WDR89: variants seen among roughly 807,000 people sequenced by gnomAD.
WDR89 encodes the protein WD repeat domain 89.
A neutral mutation model predicts 29.1 loss-of-function variants in WDR89; 17 were observed. The ratio of observed to expected loss-of-function variants is 0.58; its 90% CI spans 0.40 to 0.88. The LOEUF (loss-of-function observed/expected upper bound fraction) is 0.88, where lower values mean the gene tolerates loss of function less well. Ranked by LOEUF, WDR89 falls within the 40% of genes least tolerant of loss-of-function variation. The pLI, the probability that WDR89 is intolerant of heterozygous loss-of-function variation, is 0.00. For synonymous variants in WDR89, 138 were observed against 157.8 expected, an observed-to-expected ratio of 0.87 and a Z score of 0.94; for missense variants, 396 against 456.3, an observed-to-expected ratio of 0.87 and a Z score of 1.20.
At chr14:63,623,819 G>C (rs1262807911) in intron 2 of WDR89, among the ~76,000 whole-genome samples, 1 of 151,464 alleles carries the variant, frequency 6.6e-6, no homozygotes, top group Non-Finnish European at 1.5e-5. Flanking sequence ...GTGGTGGGGA[G>C]AGAGAAGCAA....
At chr14:63,638,933 T>C (rs1883918124) in intron 1 of WDR89, among the ~76,000 whole-genome samples, 1 of 152,148 alleles carries the variant, frequency 6.6e-6, no homozygotes, top group South Asian at 2.1e-4. Context: ...ACAAAGTATG[T>C]TGAGATGGAG....
Position 63,598,137 on chromosome 14 carries a change from T to G in WDR89, c.*642A>C, listed in dbSNP as rs1894874656. On this transcript the variant is annotated 3_prime_UTR_variant, in exon 3 of 3. Transcript: ENST00000620954. ...AATATTTTCATTTTTGTATTTCACT[T>G]TGAGTCTCAATTTACCAAGATAACT... 6.6e-6 allele frequency: 1 copy of G among 152,200 alleles called. No homozygotes were observed. The highest frequency in any genetic ancestry group is 1.5e-5 in the Non-Finnish European group (1 of 68,028). The allele number at this position is 152,200 out of a possible 1,614,324, so 9.4% of individuals were successfully genotyped here.
chr14:63,636,960 T>A (rs754165333), intron 1 of WDR89, among the ~76,000 whole-genome samples: 15 of 152,102 alleles, frequency 9.9e-5, no homozygotes, highest in Non-Finnish European at 1.6e-4. Flanking sequence ...AAAGGAATTG[T>A]CAACAGAGTC....
intron 1 of WDR89, among the ~76,000 whole-genome samples, chr14:63,640,165 T>C (rs1171923220): frequency 2.0e-5 from 3 of 152,224 alleles, no homozygotes; most frequent in Admixed American, 6.5e-5. Flanking sequence ...GATTTCTCAC[T>C]TAAATGGTAC....
At chr14:63,630,227 C>T (rs558605205) in intron 1 of WDR89, among the ~76,000 whole-genome samples, 18 of 151,364 alleles carry the variant, frequency 1.2e-4, no homozygotes, top group Non-Finnish European at 1.9e-4. Flanking sequence ...GGATTACAGG[C>T]GTGAGCCACT....
chr14:63,637,018 G>C (rs955988046), intron 1 of WDR89, among the ~76,000 whole-genome samples: 1 of 152,042 alleles, frequency 6.6e-6, no homozygotes, highest in African/African-American at 2.4e-5. Context: ...CTATACATCT[G>C]ACAAAGGACT....
chr14:63,607,502 A>C (rs1475178540), intron 2 of WDR89, among the ~76,000 whole-genome samples: 2 of 152,190 alleles, frequency 1.3e-5, no homozygotes, highest in Non-Finnish European at 2.9e-5. Flanking sequence ...AGAAATCCCC[A>C]CATGCGCATT....
intron 2 of WDR89, chr14:63,618,072 A>T (rs1044887860): frequency 6.6e-6 from 1 of 152,188 alleles, no homozygotes; most frequent in Non-Finnish European, 1.5e-5. Flanking sequence ...ATATACTAAA[A>T]TTGGTACGAT....
intron 2 of WDR89, among the ~76,000 whole-genome samples, chr14:63,620,991 T>C (rs1270612321): frequency 2.6e-5 from 4 of 151,864 alleles, no homozygotes; most frequent in Non-Finnish European, 5.9e-5. Context: ...GCAGTGGGTA[T>C]GTTAATTGGC....
At chr14:63,627,481 G>C (rs1883146826) in intron 1 of WDR89, among the ~76,000 whole-genome samples, 1 of 152,104 alleles carries the variant, frequency 6.6e-6, no homozygotes, top group African/African-American at 2.4e-5. Flanking sequence ...GTTTTGTACA[G>C]TTCTATAGGT....
chr14:63,618,692 C>A (rs1339947067), intron 2 of WDR89, among the ~76,000 whole-genome samples: 3 of 151,620 alleles, frequency 2.0e-5, no homozygotes, highest in Non-Finnish European at 4.4e-5. Context: ...AAGAAAAAAA[C>A]AAACAAACAA....
intron 2 of WDR89, among the ~76,000 whole-genome samples, chr14:63,617,377 G>C (rs910092862): frequency 6.6e-6 from 1 of 151,928 alleles, no homozygotes; most frequent in African/African-American, 2.4e-5. Flanking sequence ...CACTGTGCCT[G>C]GCCTAATTAC....
At position 63,598,231 on chromosome 14, in the gene WDR89, C is replaced by T. The variant is rs1022952431; in HGVS notation, c.*548G>A. On this transcript the variant is annotated 3_prime_UTR_variant, in exon 3 of 3. Coordinates refer to ENST00000620954, the MANE Select transcript of WDR89 (RefSeq NM_080666.4). ...ATTAAAGATGCAAATATTTACGAAA[C>T]ATATTTTTCTCACTTTACATAGATG... 1.3e-5 allele frequency: 2 copies of T among 152,132 alleles called. No individual in the cohort carries two copies. The highest frequency in any genetic ancestry group is 2.9e-5 in the Non-Finnish European group (2 of 68,012). 9.4% of individuals were successfully genotyped at this position (152,132 alleles called of 1,614,324 possible).
At chr14:63,641,429 C>T (rs555423873) in intron 1 of WDR89, 9 of 152,244 alleles carry the variant, frequency 5.9e-5, no homozygotes, top group Non-Finnish European at 1.3e-4. Flanking sequence ...TTATACTAAA[C>T]CCTTTTAGTG....
chr14:63,641,042 A>G (rs376098977), intron 1 of WDR89, among the ~76,000 whole-genome samples: 2 of 148,712 alleles, frequency 1.3e-5, no homozygotes, highest in African/African-American at 4.9e-5. Context: ...AGGTTGCAGT[A>G]AGCCGAGATC....
chr14:63,604,405 C>T (rs188262847), intron 2 of WDR89, among the ~76,000 whole-genome samples: 2 of 151,926 alleles, frequency 1.3e-5, no homozygotes, highest in Admixed American at 6.5e-5. Flanking sequence ...AGGGCAAGAC[C>T]CTGTCTCAAA....
Position 63,603,343 on chromosome 14 carries a change from C to T in WDR89, c.-31-3370G>A, listed in dbSNP as rs538571492. On this transcript the variant is annotated intron_variant, in intron 2 of 2. Transcript: ENST00000620954. ...AGAGTTAGCTGCAGACAAAGTATCACTCCATTCCTAAATACTTCACTATAA... is the reference window on the plus strand; with the variant it reads ...AGAGTTAGCTGCAGACAAAGTATCATTCCATTCCTAAATACTTCACTATAA... 3.9e-5 allele frequency among the ~76,000 whole-genome samples: 6 copies of T among 152,254 alleles called. No homozygotes were observed. The South Asian group carries it at 1.2e-3, about 32-fold the overall frequency.
chr14:63,605,667 C>T (rs1265840245), intron 2 of WDR89, among the ~76,000 whole-genome samples: 3 of 152,094 alleles, frequency 2.0e-5, no homozygotes, highest in Non-Finnish European at 4.4e-5. Flanking sequence ...ACCACGTTGG[C>T]CAGGCTGATC....
rs539508843 is a variant in WDR89 at position 63,628,491 on chromosome 14, G to T, written c.-137-3458C>A. ...TAAACCAGAATTTAAGGTATGTAAC[G>T]TGATGATAATAGATGAGATGGGGTC... On this transcript the variant is annotated intron_variant, in intron 1 of 2. Coordinates refer to ENST00000620954, the MANE Select transcript of WDR89 (RefSeq NM_080666.4). 3.3e-5 allele frequency among the ~76,000 whole-genome samples: 5 copies of T among 152,264 alleles called. No homozygotes were observed. The South Asian group carries it at 1.0e-3, about 32-fold the overall frequency.
Sources: allele counts gnomAD v4.1 joint callset (sites outside exome capture counted in the v4.1 genomes callset), GRCh38; gene constraint gnomAD v4.1.1; transcripts MANE v1.5; gene names NCBI Gene and HGNC (gene_info 2026-07-23, HGNC 2026-07-21).